MCF2: variants seen among roughly 807,000 people sequenced by gnomAD.
The protein encoded by MCF2 is proto-oncogene DBL.
A neutral mutation model predicts 82.5 loss-of-function variants in MCF2; 44 were observed. That is an observed-to-expected ratio of 0.53 (90% CI 0.42 to 0.69). The LOEUF is 0.69. MCF2 is among the 30% of genes least tolerant of loss of function. The probability of loss-of-function intolerance (pLI) is 0.00; values close to 1 mark genes in which losing one functional copy is unlikely to be tolerated. For missense variants in MCF2, 623 were observed against 663.1 expected (o/e 0.94, Z 0.66); for synonymous variants, 217 against 224.9 (o/e 0.96, Z 0.32).
rs137885299 is a variant in MCF2 at position 139,618,131 on chromosome X, C to G, written c.808-427G>C. ...TCAGAGTTGTCATGTACCTGGACTA[C>G]TTCACATACCTGAAGTCACAGGGTT... On this transcript the variant is annotated intron_variant, in intron 7 of 24. Coordinates refer to ENST00000370576, the Ensembl canonical transcript of MCF2. 5.2e-3 allele frequency among the ~76,000 whole-genome samples: 579 copies of G among 111,013 alleles called. 4 individuals are homozygous for G. Among genetic ancestry groups the G allele is most frequent in the African/African-American group, 0.018 (558 of 30,629 alleles).
intron 1 of MCF2, among the ~76,000 whole-genome samples, chrX:139,685,590 C>T (rs770024170): frequency 8.1e-5 from 9 of 111,007 alleles, no homozygotes; most frequent in African/African-American, 9.8e-5. Flanking sequence ...ATTGCTCACT[C>T]GGGGAGCTCG....
chrX:139,596,499 GAC>G (rs749432414), intron 19 of MCF2, 48 bp downstream of exon 23: 41 of 961,039 alleles, frequency 4.3e-5, no homozygotes, highest in Non-Finnish European at 5.3e-5. Context: ...CAAACTGGGA[GAC>G]ACACACACAC....
intron 4 of MCF2, among the ~76,000 whole-genome samples, chrX:139,627,992 C>T (rs1932803213): frequency 9.0e-6 from 1 of 111,731 alleles, no homozygotes; most frequent in African/African-American, 3.3e-5. Context: ...GCTGGAGAGG[C>T]TACAGAGAAA....
intron 3 of MCF2, among the ~76,000 whole-genome samples, chrX:139,630,305 C>T (rs1255339479): frequency 9.0e-6 from 1 of 111,443 alleles, no homozygotes; most frequent in Non-Finnish European, 1.9e-5. Flanking sequence ...GCATTCCAAA[C>T]AAGGTGATAA....
intron 1 of MCF2, among the ~76,000 whole-genome samples, chrX:139,678,944 A>G (rs1448250202): frequency 8.9e-6 from 1 of 112,592 alleles, no homozygotes; most frequent in Non-Finnish European, 1.9e-5. Flanking sequence ...ACCACCTTAA[A>G]ATTATTTTAG....
Position 139,633,122 on chromosome X carries a change from G to A in MCF2, c.52-668C>T, listed in dbSNP as rs763763296. ...GGGGAAATGATAGCACAAACTCTCCGAGACATAGGAAGGTCAAAAAGATCT... is the reference window on the plus strand; with the variant it reads ...GGGGAAATGATAGCACAAACTCTCCAAGACATAGGAAGGTCAAAAAGATCT... On this transcript the variant is annotated intron_variant, in intron 1 of 24. Coordinates refer to ENST00000370576, the Ensembl canonical transcript of MCF2. Among the ~76,000 whole-genome samples the A allele has an allele frequency of 2.1e-4, 23 of 111,396 alleles. No homozygotes were observed. In the East Asian group the frequency reaches 3.4e-3, roughly 16 times the overall value.
At position 139,619,997 on chromosome X, in the gene MCF2, TTGTGTGTG is replaced by T. The variant is rs57662065; in HGVS notation, c.688-299_688-292del. On this transcript the variant is annotated intron_variant, in intron 6 of 24. Transcript: ENST00000370576. ...GAGGTATGTATAGGTATATATACATTTGTGTGTGTGTGTGTGTGTGTGTGTGTGTGTAT... is the reference window on the plus strand; with the variant it reads ...GAGGTATGTATAGGTATATATACATTTGTGTGTGTGTGTGTGTGTGTGTAT... 2.0e-3 allele frequency among the ~76,000 whole-genome samples: 191 copies of T among 93,412 alleles called. 1 individual carries two copies. The highest frequency in any genetic ancestry group is 6.7e-3 in the African/African-American group (175 of 26,310). The allele number at this position is 93,412 out of a possible 115,157, so 81.1% of individuals were successfully genotyped here. A position where few individuals can be genotyped will look rare whatever the true frequency, so the allele number is the denominator to read the frequency against.
In MCF2 at chrX:139,615,058, A is replaced by T; in HGVS notation, c.1192-6T>A. 1 of 1,185,757 alleles carries T rather than the reference A, an allele frequency of 8.4e-7. No individual in the cohort carries two copies. The highest frequency in any genetic ancestry group is 1.1e-6 in the Non-Finnish European group (1 of 874,427). On this transcript the variant is annotated splice_region_variant and splice_polypyrimidine_tract_variant and intron_variant, in intron 9 of 24. Coordinates refer to ENST00000370576, the Ensembl canonical transcript of MCF2. ...TGTATAGTCTTCATTTGAACCTGCG[A>T]GTTGTATAAGAATTATAGGAAATAT...
At chrX:139,628,782 A>G (rs931348440) in intron 4 of MCF2, among the ~76,000 whole-genome samples, 26 of 112,044 alleles carry the variant, frequency 2.3e-4, no homozygotes, top group African/African-American at 8.4e-4. Flanking sequence ...AACTTTCTGA[A>G]GAAAGTGGAT....
At chrX:139,595,827 CAT>C (rs1319431447) in intron 19 of MCF2, among the ~76,000 whole-genome samples, 1 of 111,357 alleles carries the variant, frequency 9.0e-6, no homozygotes, top group Non-Finnish European at 1.9e-5. Flanking sequence ...TTATGGGTCT[CAT>C]GTGAATTGGA....
At chrX:139,689,604 A>G (rs1259523615) in intron 1 of MCF2, among the ~76,000 whole-genome samples, 2 of 107,753 alleles carry the variant, frequency 1.9e-5, no homozygotes, top group Non-Finnish European at 1.9e-5. Flanking sequence ...GGAATTTACA[A>G]TTCCCCAAAC....
intron 1 of MCF2, among the ~76,000 whole-genome samples, chrX:139,706,672 T>C (rs1348928084): frequency 9.1e-6 from 1 of 109,698 alleles, no homozygotes; most frequent in Non-Finnish European, 1.9e-5. Context: ...AATATTCCCA[T>C]ATGACAAATC....
chrX:139,671,541 G>C (rs1934693436), intron 1 of MCF2, among the ~76,000 whole-genome samples: 1 of 111,505 alleles, frequency 9.0e-6, no homozygotes, highest in Non-Finnish European at 1.9e-5. Context: ...TGGCTAGCTA[G>C]TTTTCCCAGC....
chrX:139,696,742 G>A (rs935824097), intron 1 of MCF2, among the ~76,000 whole-genome samples: 3 of 111,628 alleles, frequency 2.7e-5, no homozygotes, highest in Non-Finnish European at 5.6e-5. Context: ...CAGAACCTCT[G>A]AAATGCTGAA....
At chrX:139,586,636 G>T in intron 22 of MCF2, 149 bp from the exon 27 acceptor site, 1 of 418,361 alleles carries the variant, frequency 2.4e-6, no homozygotes, top group Non-Finnish European at 4.2e-6. Context: ...TTAAATCTGT[G>T]TGGCAATAGG....
intron 1 of MCF2, among the ~76,000 whole-genome samples, chrX:139,662,368 T>G (rs1212818110): frequency 9.1e-6 from 1 of 109,518 alleles, no homozygotes; most frequent in African/African-American, 3.4e-5. Context: ...AACCTAAAAC[T>G]CATATGGAAA....
At chrX:139,582,264 T>G (rs1928536212) in exon 25 of MCF2, 1 of 458,861 alleles carries the variant, frequency 2.2e-6, no homozygotes, top group African/African-American at 2.5e-5. Context: ...ACACATTAAA[T>G]ACATGATTTT....
At chrX:139,638,838 C>T (rs73634059) in intron 1 of MCF2, among the ~76,000 whole-genome samples, 2,172 of 111,228 alleles carry the variant, frequency 0.02, 53 homozygotes, top group African/African-American at 0.064. Context: ...CTAGAGGGGA[C>T]AGAACACTCT....
intron 1 of MCF2, among the ~76,000 whole-genome samples, chrX:139,654,397 T>C (rs5953524): frequency 0.043 from 4,843 of 111,864 alleles, 254 homozygotes; most frequent in African/African-American, 0.15. Context: ...ATTAGTGATG[T>C]TGAACATTTT....
Sources: gnomAD v4.1 joint callset for allele counts (sites outside exome capture counted in the v4.1 genomes callset) on GRCh38, gnomAD v4.1.1 for gene constraint, MANE v1.5 for transcripts, NCBI Gene and HGNC (gene_info 2026-07-23, HGNC 2026-07-21) for gene names.